KCNQ5: variants seen among roughly 807,000 people sequenced by gnomAD.
KCNQ5 encodes potassium voltage-gated channel subfamily KQT member 5.
In KCNQ5, 30 loss-of-function variants were observed where a neutral mutation model predicts 98.2. The ratio of observed to expected loss-of-function variants is 0.31; its 90% CI spans 0.23 to 0.41. The LOEUF is 0.41. Among genes scored for constraint, KCNQ5 ranks in the 10% least tolerant of loss-of-function variants. The probability of loss-of-function intolerance (pLI) is 1.00; values close to 1 mark genes in which losing one functional copy is unlikely to be tolerated. For synonymous variants in KCNQ5, 458 were observed against 449.4 expected, an observed-to-expected ratio of 1.02 and a Z score of -0.24; for missense variants, 835 against 1,182.5, an observed-to-expected ratio of 0.71 and a Z score of 4.31.
At chr6:72,821,615 T>A (rs560592421) in intron 1 of KCNQ5, among the ~76,000 whole-genome samples, 1 of 151,984 alleles carries the variant, frequency 6.6e-6, no homozygotes, top group Admixed American at 6.6e-5. Context: ...AGATTTTTTG[T>A]TTGGTTTTGT....
chr6:72,856,057 C>A (rs898460230), intron 1 of KCNQ5, among the ~76,000 whole-genome samples: 1 of 152,114 alleles, frequency 6.6e-6, no homozygotes, highest in Non-Finnish European at 1.5e-5. Context: ...TTTAAAATAT[C>A]TTTATTAGGC....
chr6:73,185,656 G>A (rs1778545052), intron 11 of KCNQ5, among the ~76,000 whole-genome samples: 1 of 152,188 alleles, frequency 6.6e-6, no homozygotes, highest in Non-Finnish European at 1.5e-5. Context: ...AGGTGATGAG[G>A]CAAGAGAGAT....
chr6:72,743,402 C>A (rs534242237), intron 1 of KCNQ5, among the ~76,000 whole-genome samples: 1 of 151,890 alleles, frequency 6.6e-6, no homozygotes, highest in African/African-American at 2.4e-5. Flanking sequence ...TAGATTTAAG[C>A]TAACATTACC....
intron 7 of KCNQ5, among the ~76,000 whole-genome samples, chr6:73,114,485 T>G (rs557820702): frequency 6.6e-6 from 1 of 152,368 alleles, no homozygotes; most frequent in Non-Finnish European, 1.5e-5. Flanking sequence ...TATCTTTGCA[T>G]GATTCTTTTA....
At position 73,055,080 on chromosome 6, in the gene KCNQ5, C is replaced by T. The variant is rs567839196; in HGVS notation, c.616+13018C>T. 92 of 691,266 alleles carry T rather than the reference C, an allele frequency of 1.3e-4. 2 individuals carry two copies. The South Asian group carries it at 1.4e-3, about 10-fold the overall frequency. 42.8% of individuals were successfully genotyped at this position (691,266 alleles called of 1,614,324 possible). A position where few individuals can be genotyped will look rare whatever the true frequency, so the allele number is the denominator to read the frequency against. On this transcript the variant is annotated intron_variant, in intron 3 of 13. Transcript: ENST00000370398. ...CTGAGAGCCAAATCAAGAATGCTATCCCCCAAGCCTGCCACCATGGCCACC... is the reference window on the plus strand; with the variant it reads ...CTGAGAGCCAAATCAAGAATGCTATTCCCCAAGCCTGCCACCATGGCCACC...
intron 1 of KCNQ5, among the ~76,000 whole-genome samples, chr6:72,956,430 C>T (rs1767055506): frequency 6.7e-6 from 1 of 150,364 alleles, no homozygotes; most frequent in Non-Finnish European, 1.5e-5. Context: ...CATTATATCC[C>T]TTGAGGGCTG....
chr6:73,124,952 T>TTGGAGTG (rs1349525711), intron 9 of KCNQ5, among the ~76,000 whole-genome samples: 2 of 11,084 alleles, frequency 1.8e-4, no homozygotes, highest in African/African-American at 8.6e-4. Flanking sequence ...TATATATATA[T>TTGGAGTG]ATATATATAT....
At position 72,794,729 on chromosome 6, in the gene KCNQ5, G is replaced by A. The variant is rs935035881; in HGVS notation, c.398+172142G>A. Among the ~76,000 whole-genome samples, 4 of 152,014 alleles carry A rather than the reference G, an allele frequency of 2.6e-5. No homozygotes were observed. In the South Asian group the frequency reaches 6.2e-4, roughly 24 times the overall value. On this transcript the variant is annotated intron_variant, in intron 1 of 13. Transcript: ENST00000370398. ...TGTTCATCTCTTTTTTTATTGACCC[G>A]AATATTGCTGTAAGAAGAAATAAAA... is the stretch of plus-strand genomic sequence containing the variant.
At chr6:73,133,677 A>G (rs1364835600) in intron 10 of KCNQ5, 36 bp downstream of exon 10, 1 of 1,553,172 alleles carries the variant, frequency 6.4e-7, no homozygotes, top group African/African-American at 1.4e-5. Flanking sequence ...TTTTAATTGG[A>G]TAGGCTATAG....
At chr6:72,917,370 G>A (rs1582012552) in intron 1 of KCNQ5, among the ~76,000 whole-genome samples, 1 of 152,104 alleles carries the variant, frequency 6.6e-6, no homozygotes, top group African/African-American at 2.4e-5. Context: ...TTGTTAAACT[G>A]AGACCATCAA....
At chr6:72,637,586 T>C (rs569295191) in intron 1 of KCNQ5, among the ~76,000 whole-genome samples, 1 of 152,324 alleles carries the variant, frequency 6.6e-6, no homozygotes, top group Non-Finnish European at 1.5e-5. Context: ...AAGTGCTTTT[T>C]ATCCATCTTT....
chr6:73,023,542 C>T (rs1737745300), intron 2 of KCNQ5, among the ~76,000 whole-genome samples: 1 of 152,098 alleles, frequency 6.6e-6, no homozygotes, highest in African/African-American at 2.4e-5. Context: ...TGGAAACAGA[C>T]CCAATATTAA....
chr6:73,120,933 G>T (rs114961700), intron 8 of KCNQ5, among the ~76,000 whole-genome samples: 3 of 152,010 alleles, frequency 2.0e-5, no homozygotes, highest in Non-Finnish European at 4.4e-5. Context: ...TGCACCCATC[G>T]CCTGACCCCA....
intron 13 of KCNQ5, 95 bp from the exon 14 acceptor site, chr6:73,194,357 T>C (rs1471405742): frequency 1.8e-6 from 2 of 1,081,720 alleles, no homozygotes; most frequent in Non-Finnish European, 2.7e-6. Flanking sequence ...TTTAAATGTG[T>C]TGGCACACCT....
chr6:72,863,075 A>C (rs1304132695), intron 1 of KCNQ5, among the ~76,000 whole-genome samples: 2 of 152,184 alleles, frequency 1.3e-5, no homozygotes, highest in Admixed American at 1.3e-4. Flanking sequence ...GGCAGACTAA[A>C]TGACTCAGTT....
At chr6:73,133,756 A>T (rs1776339511) in intron 10 of KCNQ5, 115 bp downstream of exon 10, 1 of 910,546 alleles carries the variant, frequency 1.1e-6, no homozygotes, top group Non-Finnish European at 1.7e-6. Context: ...AACCCCAGAG[A>T]AAGAATTGTT....
chr6:73,146,626 C>CAAAAAAAAAAAAAAAAAAAA (rs58798764), intron 10 of KCNQ5, among the ~76,000 whole-genome samples: 3 of 28,484 alleles, frequency 1.1e-4, no homozygotes, highest in Admixed American at 3.6e-4. Context: ...GTCCCTGTCT[C>CAAAAAAAAAAAAAAAAAAAA]AAAAAAAAAA....
intron 2 of KCNQ5, among the ~76,000 whole-genome samples, chr6:73,020,221 A>G (rs1233995530): frequency 1.3e-5 from 2 of 152,046 alleles, no homozygotes; most frequent in East Asian, 3.9e-4. Context: ...TCAGATGCCA[A>G]TTGCAAGCTT....
chr6:72,995,368 C>CA (rs376273426), intron 1 of KCNQ5, among the ~76,000 whole-genome samples: 729 of 69,814 alleles, frequency 0.01, 3 homozygotes, highest in South Asian at 0.04. Context: ...AACTCTGTCT[C>CA]AAAAAAAAAA....
Sources: allele counts gnomAD v4.1 joint callset (sites outside exome capture counted in the v4.1 genomes callset), GRCh38; gene constraint gnomAD v4.1.1; transcripts MANE v1.5; gene names NCBI Gene and HGNC (gene_info 2026-07-23, HGNC 2026-07-21).